The following PRXL2C variants were observed in gnomAD, a reference collection of about 807,000 sequenced individuals.
PRXL2C encodes the protein peroxiredoxin like 2C.
PRXL2C carries 38 observed loss-of-function variants against 24.9 expected under a neutral mutation model. The observed-to-expected ratio is 1.53, with a 90% CI of 1.18 to 2.00. The LOEUF (loss-of-function observed/expected upper bound fraction) is 2.00. Among genes scored for constraint, PRXL2C ranks in the 30% most tolerant of loss-of-function variants. The pLI is 0.00. For missense variants in PRXL2C, 294 were observed against 290.9 expected (o/e 1.01, Z -0.08); for synonymous variants, 98 against 117.2 (o/e 0.84, Z 1.06).
At chr9:96,643,437 G>A (rs867847125) in intron 5 of PRXL2C, among the ~76,000 whole-genome samples, 46 of 152,156 alleles carry the variant, frequency 3.0e-4, no homozygotes, top group African/African-American at 9.6e-4. Flanking sequence ...TAGTAGAGAT[G>A]GGGTTTCACC....
At chr9:96,645,487 C>T (rs2119177081) in intron 5 of PRXL2C, among the ~76,000 whole-genome samples, 1 of 152,106 alleles carries the variant, frequency 6.6e-6, no homozygotes, top group South Asian at 2.1e-4. Flanking sequence ...TACAGGGTGT[C>T]TGCTTTATGA....
intron 2 of PRXL2C, among the ~76,000 whole-genome samples, chr9:96,652,719 T>G (rs1288992246): frequency 6.6e-6 from 1 of 152,090 alleles, no homozygotes; most frequent in African/African-American, 2.4e-5. Flanking sequence ...GGAATGTAAA[T>G]TAGTACAGCC....
chr9:96,654,647 G>A lies in PRXL2C; in HGVS notation c.261+58C>T. The A allele has an allele frequency of 2.5e-5, 38 of 1,501,178 alleles. No homozygotes were observed. In the South Asian group the frequency reaches 3.3e-4, roughly 13 times the overall value. The allele number at this position is 1,501,178 out of a possible 1,614,324, so 93.0% of individuals were successfully genotyped here. A position where few individuals can be genotyped will look rare whatever the true frequency, so the allele number is the denominator to read the frequency against. On this transcript the variant is annotated intron_variant, in intron 2 of 5. Transcript: ENST00000375234. ...CCGCGCTGGAGCCGCGTCCTCCCCC[G>A]CCCCGCTCGCAAGGTCTGCAGAAGC...
At chr9:96,644,470 G>A (rs192911284) in intron 5 of PRXL2C, among the ~76,000 whole-genome samples, 104 of 152,232 alleles carry the variant, frequency 6.8e-4, no homozygotes, top group African/African-American at 2.4e-3. Flanking sequence ...GTGGCTTATA[G>A]TCGGACCTCA....
chr9:96,641,806 C>CAGGA lies in PRXL2C; in HGVS notation c.633_634insTCCT (p.Val212SerfsTer19). The stretch of plus-strand genomic sequence containing the variant: ...CTGTTTGTAAAGTTCACATGCTGAA[C>CAGGA]TCCTACAAGCTGTAAAACAGAGTTG... On this transcript the variant is annotated frameshift_variant, in exon 6 of 6. Coordinates refer to ENST00000375234, the MANE Select transcript of PRXL2C (RefSeq NM_153698.2). LOFTEE classifies it high-confidence loss of function. 1.9e-6 allele frequency: 3 copies of CAGGA among 1,581,486 alleles called. No homozygotes were observed. The highest frequency in any genetic ancestry group is 2.6e-6 in the Non-Finnish European group (3 of 1,155,924).
intron 4 of PRXL2C, among the ~76,000 whole-genome samples, chr9:96,649,080 G>A (rs551807639): frequency 1.3e-4 from 19 of 151,954 alleles, no homozygotes; most frequent in African/African-American, 4.6e-4. Flanking sequence ...GCCCTAAAGT[G>A]CTAAATAATT....
intron 5 of PRXL2C, among the ~76,000 whole-genome samples, chr9:96,643,266 G>A (rs1261398645): frequency 4.6e-5 from 7 of 152,022 alleles, no homozygotes; most frequent in African/African-American, 1.7e-4. Context: ...TATTTTTGGG[G>A]GCAGTGTCTT....
In PRXL2C at chr9:96,641,822, A is replaced by G; in HGVS notation, c.618T>C (p.Val206=). The G allele has an allele frequency of 6.4e-7, 1 of 1,572,100 alleles. No homozygotes were observed. Among genetic ancestry groups the G allele is most frequent in the Non-Finnish European group, 8.7e-7 (1 of 1,149,900 alleles). The change falls in exon 6 of 6, where the codon GTT becomes GTC. Residue 206 remains valine, a synonymous_variant. Transcript: ENST00000375234. ...NRLDHKPINS[V]LQLVGVQHVN... Reference sequence around the variant, plus strand: ...CATGCTGAACTCCTACAAGCTGTAAAACAGAGTTGATAGGTTTGTGATCCA... The same window carrying G: ...CATGCTGAACTCCTACAAGCTGTAAGACAGAGTTGATAGGTTTGTGATCCA...
rs149775310 is a variant in PRXL2C at position 96,645,984 on chromosome 9, G to C, written c.462C>G (p.Ser154Arg). 6.2e-7 allele frequency: 1 copy of C among 1,613,336 alleles called. No homozygotes were observed. The highest frequency in any genetic ancestry group is 8.5e-7 in the Non-Finnish European group (1 of 1,179,846). ...PHIKSNLLSGSLQSLWRAVTG... is the reference protein window; with the variant it reads ...PHIKSNLLSGRLQSLWRAVTG... ...TCACTGCCCGCCACAGGCTCTGAAG[G>C]CTTCCTGAGAGTAGATTTGATTTTA... The change falls in exon 5 of 6, where the codon AGC (serine) becomes AGG (arginine). Residue 154 changes from serine (S) to arginine (R), a missense_variant. Ser to Arg is a moderately radical substitution (Grantham distance 110). Coordinates refer to ENST00000375234, the MANE Select transcript of PRXL2C (RefSeq NM_153698.2).
At chr9:96,654,396 AAAAT>A (rs1370055242) in intron 2 of PRXL2C, among the ~76,000 whole-genome samples, 1 of 152,242 alleles carries the variant, frequency 6.6e-6, no homozygotes, top group Non-Finnish European at 1.5e-5. Flanking sequence ...AGTGTAACAA[AAAAT>A]AAAGGGAAGA....
rs561446243 is a variant in PRXL2C, at chr9:96,653,044, G to A, written c.262-1332C>T. ...AGATGGAGACCATACTGGCTAACAC[G>A]GTGAAACCCGTCTCTACTAAAAATA... is the stretch of plus-strand genomic sequence containing the variant. On this transcript the variant is annotated intron_variant, in intron 2 of 5. Coordinates refer to ENST00000375234, the MANE Select transcript of PRXL2C (RefSeq NM_153698.2). 2.6e-5 allele frequency among the ~76,000 whole-genome samples: 4 copies of A among 152,176 alleles called. No individual in the cohort carries two copies. The East Asian group carries it at 7.7e-4, about 29-fold the overall frequency.
intron 2 of PRXL2C, among the ~76,000 whole-genome samples, chr9:96,653,491 C>A (rs900339919): frequency 2.0e-5 from 3 of 152,122 alleles, no homozygotes; most frequent in Non-Finnish European, 2.9e-5. Flanking sequence ...TTCAGTTAAA[C>A]AAGAGGAATA....
chr9:96,653,536 T>C (rs78559336), intron 2 of PRXL2C, among the ~76,000 whole-genome samples: 2,015 of 152,292 alleles, frequency 0.013, 23 homozygotes, highest in African/African-American at 0.025. Context: ...ATGGTGACTA[T>C]AGTTAACAAT....
At chr9:96,652,065 T>A (rs893286027) in intron 2 of PRXL2C, among the ~76,000 whole-genome samples, 2 of 152,048 alleles carry the variant, frequency 1.3e-5, no homozygotes. Flanking sequence ...TGGGACTATA[T>A]CAAACTAAAA....
At chr9:96,642,140 C>T (rs1848125522) in intron 5 of PRXL2C, among the ~76,000 whole-genome samples, 1 of 152,090 alleles carries the variant, frequency 6.6e-6, no homozygotes, top group Admixed American at 6.6e-5. Flanking sequence ...TAAATTATAA[C>T]CTTCTGTTAG....
intron 5 of PRXL2C, among the ~76,000 whole-genome samples, chr9:96,643,274 C>A (rs1205718384): frequency 2.0e-5 from 3 of 152,116 alleles, no homozygotes; most frequent in Non-Finnish European, 2.9e-5. Context: ...GGGGCAGTGT[C>A]TTGGTCTCTC....
rs1848094417 is a variant in PRXL2C, at chr9:96,640,092, T to C, written c.*1667A>G. The C allele has an allele frequency of 1.6e-5, 2 of 123,170 alleles. No individual in the cohort carries two copies. The highest frequency in any genetic ancestry group is 4.5e-4 in the South Asian group (2 of 4,416). 7.6% of individuals were successfully genotyped at this position (123,170 alleles called of 1,614,324 possible). ...TGTGCAACAAGAGTGAAACTCCGTC[T>C]CAAAAAAAAAAAAAAAATTCTAGAA... On this transcript the variant is annotated 3_prime_UTR_variant, in exon 6 of 6. Transcript: ENST00000375234.
At chr9:96,652,212 A>C (rs1848277236) in intron 2 of PRXL2C, among the ~76,000 whole-genome samples, 1 of 152,208 alleles carries the variant, frequency 6.6e-6, no homozygotes, top group South Asian at 2.1e-4. Flanking sequence ...TTGCAAGAAA[A>C]CAACATAGCC....
In PRXL2C at chr9:96,654,592, T is replaced by C. The variant is rs189828737; in HGVS notation, c.261+113A>G. ...TTGGAGGGGCGAGGGTGGAGAGAGC[T>C]GCGGGGAGGGGCAATCCAGGCTGCA... On this transcript the variant is annotated intron_variant, in intron 2 of 5. Coordinates refer to ENST00000375234, the MANE Select transcript of PRXL2C (RefSeq NM_153698.2). The C allele has an allele frequency of 5.5e-4, 509 of 919,532 alleles. 9 individuals carry two copies. In the East Asian group the frequency reaches 0.01, roughly 18 times the overall value. The allele number at this position is 919,532 out of a possible 1,614,324, so 57.0% of individuals were successfully genotyped here. A position where few individuals can be genotyped will look rare whatever the true frequency, so the allele number is the denominator to read the frequency against.
Sources: allele counts gnomAD v4.1 joint callset (sites outside exome capture counted in the v4.1 genomes callset), GRCh38; gene constraint gnomAD v4.1.1; transcripts MANE v1.5; gene names NCBI Gene and HGNC (gene_info 2026-07-23, HGNC 2026-07-21).